RTN3: variants seen among roughly 807,000 people sequenced by gnomAD.
RTN3 encodes reticulon 3.
A neutral mutation model predicts 77.8 loss-of-function variants in RTN3; 49 were observed. That is an observed-to-expected ratio of 0.63 (90% CI 0.50 to 0.80). The LOEUF is 0.80. RTN3 is among the 30% of genes least tolerant of loss of function. RTN3 has a pLI of 0.00. For missense variants in RTN3, 1,236 were observed against 1,211.9 expected, an observed-to-expected ratio of 1.02 and a Z score of -0.29; for synonymous variants, 464 against 446.9, an observed-to-expected ratio of 1.04 and a Z score of -0.48.
intron 1 of RTN3, among the ~76,000 whole-genome samples, chr11:63,689,459 C>A (rs1022291045): frequency 1.3e-5 from 2 of 152,142 alleles, no homozygotes; most frequent in Non-Finnish European, 2.9e-5. Flanking sequence ...TTGAAGTCTT[C>A]TGGGCATCTG....
intron 4 of RTN3, among the ~76,000 whole-genome samples, chr11:63,751,675 T>G (rs1219275214): frequency 2.0e-5 from 3 of 152,152 alleles, no homozygotes; most frequent in Non-Finnish European, 2.9e-5. Context: ...AAGGAATAAC[T>G]TACAACTTTA....
At chr11:63,684,399 G>A (rs570879101) in intron 1 of RTN3, among the ~76,000 whole-genome samples, 6 of 151,992 alleles carry the variant, frequency 3.9e-5, no homozygotes, top group African/African-American at 1.4e-4. Context: ...CGCCCACCTC[G>A]GCCTCCCAAA....
chr11:63,716,478 G>C, intron 2 of RTN3, among the ~76,000 whole-genome samples: 1 of 152,178 alleles, frequency 6.6e-6, no homozygotes, highest in Non-Finnish European at 1.5e-5. Flanking sequence ...CACTTATTTG[G>C]GGCTATTTAT....
chr11:63,747,431 C>T (rs2013863017), intron 3 of RTN3, among the ~76,000 whole-genome samples: 2 of 152,186 alleles, frequency 1.3e-5, no homozygotes, highest in Non-Finnish European at 2.9e-5. Flanking sequence ...GAGTTCCCTC[C>T]CAATTCTTTC....
At chr11:63,684,032 A>G (rs1194224118) in intron 1 of RTN3, among the ~76,000 whole-genome samples, 3 of 132,514 alleles carry the variant, frequency 2.3e-5, no homozygotes, top group East Asian at 2.1e-4. Context: ...GCTCACTGCA[A>G]CCTCCATCTC....
chr11:63,681,856 G>A lies in RTN3; in HGVS notation c.142+78G>A, dbSNP rs566530675. On this transcript the variant is annotated intron_variant, in intron 1 of 8. Coordinates refer to ENST00000377819, the MANE Select transcript of RTN3 (RefSeq NM_001265589.2). ...GGGGCTGGGGGGATTAGGAGGCGAGGCGGGAGGAGGACGAATTACCCTCGA... is the reference window on the plus strand; with the variant it reads ...GGGGCTGGGGGGATTAGGAGGCGAGACGGGAGGAGGACGAATTACCCTCGA... The A allele has an allele frequency of 4.3e-4, 608 of 1,401,684 alleles. 1 individual carries two copies. In the Middle Eastern group the frequency reaches 0.013, roughly 31 times the overall value. 86.8% of individuals were successfully genotyped at this position (1,401,684 alleles called of 1,614,324 possible).
chr11:63,695,169 C>G (rs1012902869), intron 1 of RTN3, among the ~76,000 whole-genome samples: 3 of 152,110 alleles, frequency 2.0e-5, no homozygotes, highest in Non-Finnish European at 4.4e-5. Context: ...CTGAAAGATA[C>G]GAAGATATGT....
chr11:63,719,394 A>G lies in RTN3; in HGVS notation c.892A>G (p.Arg298Gly), dbSNP rs1247048618. 39 of 1,614,068 alleles carry G rather than the reference A, an allele frequency of 2.4e-5. No individual in the cohort carries two copies. Among genetic ancestry groups the G allele is most frequent in the Non-Finnish European group, 3.2e-5 (38 of 1,180,034 alleles). ...GACTAATGACAAGCTTTTTCCACTG[A>G]GAAATAAAGAGGCAGGACGTTACCC... Reference protein sequence around the residue: ...SETNDKLFPLRNKEAGRYPMS... With the variant: ...SETNDKLFPLGNKEAGRYPMS... Residue 298 changes from arginine (R) to glycine (G), a missense_variant, in exon 3 of 9, where the codon AGA (arginine) becomes GGA (glycine). By Grantham distance (125) the Arg-to-Gly change is moderately radical. Transcript: ENST00000377819.
intron 1 of RTN3, among the ~76,000 whole-genome samples, chr11:63,694,364 C>T (rs866598764): frequency 3.3e-5 from 5 of 152,062 alleles, no homozygotes; most frequent in Middle Eastern, 3.4e-3. Flanking sequence ...TTAGTAGAGA[C>T]GGGGTTTCTC....
chr11:63,726,072 ATACC>A (rs1022413960), intron 3 of RTN3, among the ~76,000 whole-genome samples: 6 of 152,222 alleles, frequency 3.9e-5, no homozygotes, highest in Admixed American at 6.5e-5. Context: ...ATGAATCTAT[ATACC>A]TACATATACA....
At chr11:63,709,027 T>C (rs745336055) in intron 2 of RTN3, among the ~76,000 whole-genome samples, 14 of 152,292 alleles carry the variant, frequency 9.2e-5, no homozygotes, top group East Asian at 3.9e-4. Context: ...CTTTTACCAA[T>C]TGAAATGACT....
rs1189727563 is a variant in RTN3 at position 63,719,075 on chromosome 11, A to C, written c.573A>C (p.Ser191=). 6.2e-7 allele frequency: 1 copy of C among 1,614,192 alleles called. No individual in the cohort carries two copies. The highest frequency in any genetic ancestry group is 1.1e-5 in the South Asian group (1 of 91,072). The change falls in exon 3 of 9, where the codon TCA becomes TCC. Residue 191 remains serine, a synonymous_variant. Transcript: ENST00000377819. The stretch of plus-strand genomic sequence containing the variant: ...AGACCAAGAACCCAAATGGGGTATC[A>C]AGTAGGGAGGCTAAAACTGCATTGG... ...DKETKNPNGV[S]SREAKTALDA...
intron 1 of RTN3, among the ~76,000 whole-genome samples, chr11:63,682,049 A>G (rs1251116846): frequency 6.6e-6 from 1 of 152,256 alleles, no homozygotes; most frequent in African/African-American, 2.4e-5. Context: ...GCAGGTGGGG[A>G]AAAATACCAG....
At chr11:63,744,631 C>T (rs1222137160) in intron 3 of RTN3, among the ~76,000 whole-genome samples, 6 of 152,104 alleles carry the variant, frequency 3.9e-5, no homozygotes, top group Admixed American at 3.9e-4. Flanking sequence ...TTGTTGTCCA[C>T]ATGTCATTTA....
chr11:63,687,284 T>C (rs1016493303), intron 1 of RTN3, among the ~76,000 whole-genome samples: 13 of 152,274 alleles, frequency 8.5e-5, no homozygotes, highest in Non-Finnish European at 1.8e-4. Flanking sequence ...AACTTGAAAA[T>C]TGGGATAATA....
At position 63,719,050 on chromosome 11, in the gene RTN3, A is replaced by G. The variant is rs146754567; in HGVS notation, c.548A>G (p.Glu183Gly). 160 of 1,614,206 alleles carry G rather than the reference A, an allele frequency of 9.9e-5. No homozygotes were observed. The East Asian group carries it at 2.5e-3, about 26-fold the overall frequency. The change falls in exon 3 of 9, where the codon GAG becomes GGG. Residue 183 changes from glutamate (E) to glycine (G), a missense_variant. By Grantham distance (98) the Glu-to-Gly change is moderately conservative. This residue lies in a region of RTN3 where 1,056 missense variants were observed against 990.4 expected (regional missense o/e 1.07). Transcript: ENST00000377819. ...CAAGTGGAAGAGCAAATAGATAAAG[A>G]GACCAAGAACCCAAATGGGGTATCA... is the stretch of plus-strand genomic sequence containing the variant. ...IGQVEEQIDK[E>G]TKNPNGVSSR...
chr11:63,735,347 A>C (rs1412706812), intron 3 of RTN3, among the ~76,000 whole-genome samples: 1 of 152,174 alleles, frequency 6.6e-6, no homozygotes, highest in Non-Finnish European at 1.5e-5. Flanking sequence ...AAAAGCATAA[A>C]ATACTTGGAA....
chr11:63,712,094 T>A (rs757858311), intron 2 of RTN3, among the ~76,000 whole-genome samples: 3 of 152,238 alleles, frequency 2.0e-5, no homozygotes, highest in Non-Finnish European at 4.4e-5. Flanking sequence ...TTGCATCACC[T>A]AAGATTTTGA....
Position 63,734,770 on chromosome 11 carries a change from CACACACACACA to C in RTN3, c.2530+13739_2530+13749del, listed in dbSNP as rs1565333382. ...ACACACACACACACACACACACACACACACACACACACCATACTGGAGGTCCTAGCCACTGA... is the reference window on the plus strand; with the variant it reads ...ACACACACACACACACACACACACACCCATACTGGAGGTCCTAGCCACTGA... On this transcript the variant is annotated intron_variant, in intron 3 of 8. Transcript: ENST00000377819. 4.3e-4 allele frequency among the ~76,000 whole-genome samples: 64 copies of C among 150,240 alleles called. 1 individual carries two copies. Among genetic ancestry groups the C allele is most frequent in the Middle Eastern group, 3.5e-3 (1 of 286 alleles).
Sources: gnomAD v4.1 joint callset for allele counts (sites outside exome capture counted in the v4.1 genomes callset) on GRCh38, gnomAD v4.1.1 for gene constraint, gnomAD v4.1.1 regional missense constraint, MANE v1.5 for transcripts, NCBI Gene and HGNC (gene_info 2026-07-23, HGNC 2026-07-21) for gene names.